PLIN4: variants seen among roughly 807,000 people sequenced by gnomAD.
PLIN4 encodes the protein perilipin-4.
PLIN4 carries 57 observed loss-of-function variants against 52.4 expected under a neutral mutation model. That is an observed-to-expected ratio of 1.09 (90% confidence interval 0.88 to 1.36). The LOEUF (loss-of-function observed/expected upper bound fraction) is 1.36, where lower values mean the gene tolerates loss of function less well. Ranked by LOEUF, PLIN4 falls within the 40% of genes most tolerant of loss-of-function variation. PLIN4 has a pLI of 0.00. For synonymous variants in PLIN4, 826 were observed against 785.4 expected (o/e 1.05, Z -0.86); for missense variants, 1,757 against 1,770.3 (o/e 0.99, Z 0.13).
Position 4,504,604 on chromosome 19 carries a change from T to A in PLIN4, c.3971A>T (p.Glu1324Val), listed in dbSNP as rs1453305402. 1 of 1,604,352 alleles carries A rather than the reference T, an allele frequency of 6.2e-7. No individual in the cohort carries two copies. Among genetic ancestry groups the A allele is most frequent in the East Asian group, 2.2e-5 (1 of 44,648 alleles). ...CTGCACCAGCCGCTCTGCGGGCAGCTCCTCTACAGAGCCAGCTGAGGCCAC... is the reference window on the plus strand; with the variant it reads ...CTGCACCAGCCGCTCTGCGGGCAGCACCTCTACAGAGCCAGCTGAGGCCAC... ...GIVASAGSVE[E>V]LPAERLVQSR... Residue 1324 changes from glutamate to valine, a missense_variant, in exon 8 of 8, where the codon GAG (glutamate) becomes GTG (valine). Glu to Val is a moderately radical substitution (Grantham distance 121, BLOSUM62 -2). Around this residue, in one of 7 missense-constraint regions of PLIN4, gnomAD observed 712 missense variants for 637.1 expected, o/e 1.12. Coordinates refer to ENST00000301286, the MANE Select transcript of PLIN4 (RefSeq NM_001367868.2).
At position 4,503,419 on chromosome 19, in the gene PLIN4, C is replaced by T. The variant is rs1975987285; in HGVS notation, c.*1040G>A. 1 of 152,782 alleles carries T rather than the reference C, an allele frequency of 6.5e-6. No homozygotes were observed. Among genetic ancestry groups the T allele is most frequent in the African/African-American group, 2.4e-5 (1 of 41,468 alleles). 9.5% of individuals were successfully genotyped at this position (152,782 alleles called of 1,614,324 possible). The stretch of plus-strand genomic sequence containing the variant: ...CGGGGCCCGGCGGCCGGGTCCGCCA[C>T]CACCAGTGTCTCTGATGCCTGCAGC... On this transcript the variant is annotated 3_prime_UTR_variant, in exon 8 of 8. Transcript: ENST00000301286.
Position 4,502,292 on chromosome 19 carries a change from C to A in PLIN4, c.*2167G>T. 2.0e-6 allele frequency: 1 copy of A among 506,408 alleles called. No individual in the cohort carries two copies. Among genetic ancestry groups the A allele is most frequent in the Non-Finnish European group, 3.6e-6 (1 of 276,882 alleles). 31.4% of individuals were successfully genotyped at this position (506,408 alleles called of 1,614,324 possible). A position where few individuals can be genotyped will look rare whatever the true frequency, so the allele number is the denominator to read the frequency against. On this transcript the variant is annotated 3_prime_UTR_variant, in exon 8 of 8. Transcript: ENST00000301286. ...GGGCGCAGGCGGCAGTGTCACTGGGCCCGTTTGGGACTGGGTTGAGCCATC... is the reference window on the plus strand; with the variant it reads ...GGGCGCAGGCGGCAGTGTCACTGGGACCGTTTGGGACTGGGTTGAGCCATC...
intron 3 of PLIN4, among the ~76,000 whole-genome samples, 199 bp from the exon 4 acceptor site, chr19:4,516,877 G>T (rs919109499): frequency 6.6e-6 from 1 of 152,220 alleles, no homozygotes; most frequent in Non-Finnish European, 1.5e-5. Context: ...CTCCCCCCAA[G>T]CCCAGGGCCG....
rs1392723265 is a variant in PLIN4 at position 4,513,557 on chromosome 19, T to C, written c.403A>G (p.Thr135Ala). The C allele has an allele frequency of 6.2e-7, 1 of 1,607,276 alleles. No individual in the cohort carries two copies. The highest frequency in any genetic ancestry group is 1.1e-5 in the South Asian group (1 of 90,404). ...LDTTRSALTG[T>A]KEVVSSGVTG... is the part of the protein sequence containing the mutation. ...ACCCCGCTGGACACCACCTCCTTGG[T>C]GCCCGTAAGTGCAGACCGAGTGGTG... Residue 135 changes from threonine to alanine, a missense_variant, in exon 5 of 8, where the codon ACC (threonine) becomes GCC (alanine). Physicochemically the swap from Thr to Ala is moderately conservative, Grantham distance 58. Around this residue, in one of 7 missense-constraint regions of PLIN4, gnomAD observed 332 missense variants for 310.8 expected, o/e 1.07. Coordinates refer to ENST00000301286, the MANE Select transcript of PLIN4 (RefSeq NM_001367868.2).
chr19:4,502,327 T>TTA lies in PLIN4; in HGVS notation c.*2131_*2132insTA, dbSNP rs1975938557. ...ACTGGGTTGAGCCATCAGGCCACCG[T>TTA]GAGAAGCGACTAAAAGGCACTCTGG... On this transcript the variant is annotated 3_prime_UTR_variant, in exon 8 of 8. Coordinates refer to ENST00000301286, the MANE Select transcript of PLIN4 (RefSeq NM_001367868.2). The TTA allele has an allele frequency of 4.8e-6, 2 of 416,544 alleles. No individual in the cohort carries two copies. The highest frequency in any genetic ancestry group is 8.8e-6 in the Non-Finnish European group (2 of 226,298). The allele number at this position is 416,544 out of a possible 1,614,324, so 25.8% of individuals were successfully genotyped here.
At position 4,512,492 on chromosome 19, in the gene PLIN4, T is replaced by C. The variant is rs762095433; in HGVS notation, c.1468A>G (p.Thr490Ala). The stretch of plus-strand genomic sequence containing the variant: ...GTGCCAGTCAGGACAGACTTTGTAG[T>C]GTCCAGGCCGCCCTGGACGGCCCCT... ...AKGAVQGGLDTTKSVLTGTKD... is the reference protein window; with the variant it reads ...AKGAVQGGLDATKSVLTGTKD... Residue 490 changes from threonine (T) to alanine (A), a missense_variant, in exon 5 of 8, where the codon ACT (threonine) becomes GCT (alanine). Coordinates refer to ENST00000301286, the MANE Select transcript of PLIN4 (RefSeq NM_001367868.2). 1.9e-6 allele frequency: 3 copies of C among 1,606,138 alleles called. No homozygotes were observed. The highest frequency in any genetic ancestry group is 2.6e-6 in the Non-Finnish European group (3 of 1,175,860).
rs1276862644 is a variant in PLIN4 at position 4,504,003 on chromosome 19, C to G, written c.*456G>C. The G allele has an allele frequency of 6.3e-6, 1 of 158,064 alleles. No homozygotes were observed. The highest frequency in any genetic ancestry group is 2.4e-5 in the African/African-American group (1 of 41,648). 9.8% of individuals were successfully genotyped at this position (158,064 alleles called of 1,614,324 possible). ...AGCATGAGAACGGAGCTGCCCGGAG[C>G]CTGGGATGCCACAGCACTGCCTGCA... On this transcript the variant is annotated 3_prime_UTR_variant, in exon 8 of 8. Transcript: ENST00000301286.
At chr19:4,517,428 C>T in intron 3 of PLIN4, 126 bp downstream of exon 3, 2 of 1,250,398 alleles carry the variant, frequency 1.6e-6, no homozygotes, top group East Asian at 2.6e-5. Context: ...GTCCTAGTGT[C>T]TGATGAGAGC....
rs1359072098 is a variant in PLIN4, at chr19:4,504,528, C to T, written c.4047G>A (p.Glu1349=). ...QAWQGLEQLL[E]GLQHNPPLSW... ...TGAGCGGGGGATTGTGCTGTAGGCC[C>T]TCCAGCAGCTGCTCTAACCCCTGCC... The change falls in exon 8 of 8, where the codon GAG becomes GAA. Residue 1349 remains glutamate (E), a synonymous_variant. Transcript: ENST00000301286. 1 of 1,605,604 alleles carries T rather than the reference C, an allele frequency of 6.2e-7. No homozygotes were observed. The highest frequency in any genetic ancestry group is 8.5e-7 in the Non-Finnish European group (1 of 1,177,106).
At chr19:4,515,839 C>T (rs574963644) in intron 4 of PLIN4, among the ~76,000 whole-genome samples, 24 of 152,330 alleles carry the variant, frequency 1.6e-4, no homozygotes, top group African/African-American at 5.5e-4. Flanking sequence ...CTCAGGTGGG[C>T]ACCTTGGGCC....
At chr19:4,505,737 C>T (rs1426380210) in intron 6 of PLIN4, among the ~76,000 whole-genome samples, 7 of 152,258 alleles carry the variant, frequency 4.6e-5, no homozygotes, top group Admixed American at 4.6e-4. Flanking sequence ...AGACTGCTGT[C>T]GCCCTCCCAG....
intron 3 of PLIN4, among the ~76,000 whole-genome samples, chr19:4,517,248 G>A (rs1236020329): frequency 6.6e-6 from 1 of 152,172 alleles, no homozygotes; most frequent in African/African-American, 2.4e-5. Context: ...GAGCTCAGAT[G>A]GGCAGAGCAC....
Position 4,511,343 on chromosome 19 carries a change from C to T in PLIN4, c.2617G>A (p.Ala873Thr), listed in dbSNP as rs747539640. The T allele has an allele frequency of 2.5e-6, 4 of 1,594,192 alleles. No individual in the cohort carries two copies. The highest frequency in any genetic ancestry group is 1.7e-5 in the Admixed American group (1 of 58,974). The change falls in exon 5 of 8, where the codon GCG (alanine) becomes ACG (threonine). Residue 873 changes from alanine to threonine, a missense_variant. Ala to Thr is a moderately conservative substitution (Grantham distance 58). Coordinates refer to ENST00000301286, the MANE Select transcript of PLIN4 (RefSeq NM_001367868.2). ...TGGACGGCCCCTTTGGCCACTTTCG[C>T]AGCACCGGTCACCCCACTGCCAAGG... ...NTLGSGVTGA[A>T]KVAKGAVQGG... is the part of the protein sequence containing the mutation.
rs769330241 is a variant in PLIN4 at position 4,504,911 on chromosome 19, G to T, written c.3739C>A (p.Arg1247Ser). ...KAQQAPEGQP[R>S]LDQGSGASAE... is the part of the protein sequence containing the mutation. ...CTGGCACCTGAGCCCTGGTCCAGAC[G>T]TGGCTGCCCTTCTGGAGCCTGCTGG... is the stretch of plus-strand genomic sequence containing the variant. Residue 1247 changes from arginine (R) to serine (S), a missense_variant, in exon 7 of 8, where the codon CGT becomes AGT. By Grantham distance (110) the Arg-to-Ser change is moderately radical. Around this residue, in one of 7 missense-constraint regions of PLIN4, gnomAD observed 712 missense variants for 637.1 expected, o/e 1.12. Transcript: ENST00000301286. The T allele has an allele frequency of 6.2e-7, 1 of 1,608,074 alleles. No individual in the cohort carries two copies. Among genetic ancestry groups the T allele is most frequent in the South Asian group, 1.1e-5 (1 of 89,816 alleles).
chr19:4,509,020 CAAGT>C (rs1241641966), intron 5 of PLIN4, 65 bp from the exon 6 acceptor site: 1 of 1,482,742 alleles, frequency 6.7e-7, no homozygotes, highest in Non-Finnish European at 9.0e-7. Flanking sequence ...TTATAAAAGT[CAAGT>C]GAGGGCCGGG....
chr19:4,511,904 C>G lies in PLIN4; in HGVS notation c.2056G>C (p.Val686Leu). 1 of 1,606,350 alleles carries G rather than the reference C, an allele frequency of 6.2e-7. No individual in the cohort carries two copies. The highest frequency in any genetic ancestry group is 8.5e-7 in the Non-Finnish European group (1 of 1,174,528). ...NVAKGAAQTG[V>L]DTAKTVLTGT... The stretch of plus-strand genomic sequence containing the variant: ...GTCAGCACGGTCTTGGCCGTGTCTA[C>G]ACCTGTCTGGGCAGCCCCTTTGGCC... The change falls in exon 5 of 8, where the codon GTA becomes CTA. Residue 686 changes from valine (V) to leucine (L), a missense_variant. Physicochemically the swap from Val to Leu is conservative, Grantham distance 32. Transcript: ENST00000301286.
chr19:4,517,840 C>A, intron 2 of PLIN4, 142 bp from the exon 3 acceptor site: 4 of 1,114,500 alleles, frequency 3.6e-6, no homozygotes, highest in Non-Finnish European at 2.5e-6. Flanking sequence ...AGCCACTCAG[C>A]CTCAATTTCC....
chr19:4,517,945 C>T (rs541159325), intron 2 of PLIN4, among the ~76,000 whole-genome samples: 1 of 152,332 alleles, frequency 6.6e-6, no homozygotes, highest in South Asian at 2.1e-4. Flanking sequence ...CCAGGATCCC[C>T]ACTGCACAGA....
intron 5 of PLIN4, among the ~76,000 whole-genome samples, chr19:4,509,171 C>T (rs4072832): frequency 0.063 from 9,462 of 151,076 alleles, 953 homozygotes; most frequent in African/African-American, 0.22. Context: ...ATTAGCCGGG[C>T]GTGGTGGCGG....
Sources: allele counts gnomAD v4.1 joint callset (sites outside exome capture counted in the v4.1 genomes callset), GRCh38; gene constraint gnomAD v4.1.1; regional missense constraint gnomAD v4.1.1; transcripts MANE v1.5; gene names NCBI Gene and HGNC (gene_info 2026-07-23, HGNC 2026-07-21).